Variants in XKR4 observed in about 807,000 individuals in gnomAD.
XKR4 encodes the protein XK-related protein 4.
XKR4 carries 12 observed loss-of-function variants against 53.9 expected under a neutral mutation model. That is an observed-to-expected ratio of 0.22 (90% CI 0.14 to 0.36). XKR4 has a LOEUF of 0.36. Among genes scored for constraint, XKR4 ranks in the 10% least tolerant of loss-of-function variants. The pLI is 1.00. For synonymous variants in XKR4, 354 were observed against 362.4 expected, an observed-to-expected ratio of 0.98 and a Z score of 0.26; for missense variants, 799 against 859.5, an observed-to-expected ratio of 0.93 and a Z score of 0.88.
chr8:55,303,290 G>A (rs1447160483), intron 1 of XKR4, among the ~76,000 whole-genome samples: 3 of 152,138 alleles, frequency 2.0e-5, no homozygotes, highest in African/African-American at 7.2e-5. Flanking sequence ...TTTTTATGCT[G>A]GATTACATTT....
intron 1 of XKR4, among the ~76,000 whole-genome samples, chr8:55,228,092 A>G (rs1817981757): frequency 6.6e-6 from 1 of 152,124 alleles, no homozygotes; most frequent in South Asian, 2.1e-4. Context: ...TTTTTAGTAG[A>G]GACGGGGTTT....
intron 2 of XKR4, among the ~76,000 whole-genome samples, chr8:55,393,500 A>T (rs7825453): frequency 6.6e-6 from 1 of 152,080 alleles, no homozygotes; most frequent in African/African-American, 2.4e-5. Flanking sequence ...AAAAATATTC[A>T]TAATAGTTGA....
intron 1 of XKR4, among the ~76,000 whole-genome samples, chr8:55,171,053 A>G (rs1451769684): frequency 6.6e-6 from 1 of 152,206 alleles, no homozygotes; most frequent in Non-Finnish European, 1.5e-5. Flanking sequence ...GGGAATAGCC[A>G]ATATACTTAC....
At chr8:55,414,115 A>G (rs1168637162) in intron 2 of XKR4, among the ~76,000 whole-genome samples, 4 of 152,360 alleles carry the variant, frequency 2.6e-5, no homozygotes, top group South Asian at 2.1e-4. Flanking sequence ...TTCTACAGTA[A>G]GAAAGAGAAA....
intron 1 of XKR4, among the ~76,000 whole-genome samples, chr8:55,325,842 T>C (rs956918696): frequency 2.0e-5 from 3 of 152,192 alleles, no homozygotes; most frequent in African/African-American, 7.2e-5. Flanking sequence ...GGGGAAATTT[T>C]TACAAAAGAA....
chr8:55,360,301 G>C (rs1257542754), intron 2 of XKR4, among the ~76,000 whole-genome samples: 1 of 152,202 alleles, frequency 6.6e-6, no homozygotes, highest in Non-Finnish European at 1.5e-5. Context: ...GCATTTTGAA[G>C]AGAAACCTGA....
At chr8:55,240,769 C>T (rs566954087) in intron 1 of XKR4, among the ~76,000 whole-genome samples, 1 of 152,264 alleles carries the variant, frequency 6.6e-6, no homozygotes, top group Non-Finnish European at 1.5e-5. Flanking sequence ...AGATAACATA[C>T]TAACTTTATG....
At chr8:55,375,664 A>C (rs1804134562) in intron 2 of XKR4, among the ~76,000 whole-genome samples, 1 of 151,800 alleles carries the variant, frequency 6.6e-6, no homozygotes. Flanking sequence ...TTTAGCCTTG[A>C]CATTTTTGAA....
chr8:55,431,687 C>T (rs1179755019), intron 2 of XKR4, among the ~76,000 whole-genome samples: 1 of 152,218 alleles, frequency 6.6e-6, no homozygotes, highest in African/African-American at 2.4e-5. Flanking sequence ...TACATGCAGT[C>T]ATCTGAAATC....
intron 1 of XKR4, among the ~76,000 whole-genome samples, chr8:55,151,273 A>G (rs1013672886): frequency 1.3e-5 from 2 of 152,240 alleles, no homozygotes; most frequent in African/African-American, 4.8e-5. Context: ...TTCACAGGAC[A>G]TTATCTGACC....
intron 2 of XKR4, among the ~76,000 whole-genome samples, chr8:55,437,324 C>A (rs972133237): frequency 6.6e-6 from 1 of 152,114 alleles, no homozygotes; most frequent in Non-Finnish European, 1.5e-5. Context: ...AGCCACTGTG[C>A]CTGGCCTCAA....
chr8:55,235,856 G>A (rs1818114275), intron 1 of XKR4, among the ~76,000 whole-genome samples: 1 of 152,168 alleles, frequency 6.6e-6, no homozygotes, highest in Non-Finnish European at 1.5e-5. Context: ...AAGCTTTGTT[G>A]GGCCTAGATA....
rs1816080995 is a variant in XKR4 at position 55,103,164 on chromosome 8, G to T, written c.676G>T (p.Ala226Ser). Residue 226 changes from alanine to serine, a missense_variant, in exon 1 of 3, where the codon GCG (alanine) becomes TCG (serine). By Grantham distance (99) the Ala-to-Ser change is moderately conservative (BLOSUM62 1). Coordinates refer to ENST00000327381, the MANE Select transcript of XKR4 (RefSeq NM_052898.2). The part of the protein sequence containing the change: ...ASNASKSNIA[A>S]ANSGSNSSGA... ...TAACGCCAGCAAGAGCAACATCGCC[G>T]CGGCCAACAGCGGCAGCAACAGCAG... 1 of 1,613,906 alleles carries T rather than the reference G, an allele frequency of 6.2e-7. No homozygotes were observed. Among genetic ancestry groups the T allele is most frequent in the Non-Finnish European group, 8.5e-7 (1 of 1,180,054 alleles).
chr8:55,493,572 A>T (rs1806300784), intron 2 of XKR4, among the ~76,000 whole-genome samples: 1 of 152,248 alleles, frequency 6.6e-6, no homozygotes, highest in Admixed American at 6.5e-5. Flanking sequence ...AGTATAAAAG[A>T]GCAAGTATGG....
chr8:55,401,518 T>A (rs1804601728), intron 2 of XKR4, among the ~76,000 whole-genome samples: 1 of 152,254 alleles, frequency 6.6e-6, no homozygotes, highest in Non-Finnish European at 1.5e-5. Flanking sequence ...GCTGCGGCTA[T>A]AGCTCCAGCT....
At chr8:55,406,384 C>T (rs1015164827) in intron 2 of XKR4, among the ~76,000 whole-genome samples, 11 of 152,314 alleles carry the variant, frequency 7.2e-5, no homozygotes, top group African/African-American at 2.4e-4. Flanking sequence ...ATTCAATCCT[C>T]GCATCACCTC....
intron 1 of XKR4, among the ~76,000 whole-genome samples, chr8:55,278,408 C>T (rs953383042): frequency 6.6e-6 from 1 of 150,666 alleles, no homozygotes; most frequent in Non-Finnish European, 1.5e-5. Flanking sequence ...GTCTTTATTT[C>T]CAAAAACCTC....
intron 2 of XKR4, among the ~76,000 whole-genome samples, chr8:55,402,793 G>A (rs1358309438): frequency 6.6e-6 from 1 of 152,106 alleles, no homozygotes; most frequent in Non-Finnish European, 1.5e-5. Context: ...AGCAGACAAG[G>A]GCCACGGGCA....
chr8:55,241,194 C>G (rs570593225), intron 1 of XKR4, among the ~76,000 whole-genome samples: 2 of 152,136 alleles, frequency 1.3e-5, no homozygotes, highest in African/African-American at 4.8e-5. Context: ...ACTTTCAACC[C>G]GTGCATTCAT....
Sources: gnomAD v4.1 joint callset for allele counts (sites outside exome capture counted in the v4.1 genomes callset) on GRCh38, gnomAD v4.1.1 for gene constraint, MANE v1.5 for transcripts, NCBI Gene and HGNC (gene_info 2026-07-23, HGNC 2026-07-21) for gene names.